CTNNA2: variants seen among roughly 807,000 people sequenced by gnomAD.
CTNNA2 encodes catenin alpha 2.
In CTNNA2, 42 loss-of-function variants were observed where a neutral mutation model predicts 101.0. The ratio of observed to expected loss-of-function variants is 0.42; its 90% CI spans 0.32 to 0.54. The LOEUF (loss-of-function observed/expected upper bound fraction) is 0.54, where lower values mean the gene tolerates loss of function less well. Ranked by LOEUF, CTNNA2 falls within the 20% of genes least tolerant of loss-of-function variation. CTNNA2 has a pLI of 0.14. For synonymous variants in CTNNA2, 450 were observed against 456.4 expected, an observed-to-expected ratio of 0.99 and a Z score of 0.18; for missense variants, 871 against 1,223.1, an observed-to-expected ratio of 0.71 and a Z score of 4.29.
intron 8 of CTNNA2, among the ~76,000 whole-genome samples, chr2:80,417,297 T>C (rs989610365): frequency 2.0e-5 from 3 of 151,606 alleles, no homozygotes; most frequent in African/African-American, 7.2e-5. Context: ...TATCAGCAAT[T>C]TAAAAATATA....
At chr2:80,128,174 A>G (rs900219008) in intron 7 of CTNNA2, among the ~76,000 whole-genome samples, 1 of 152,130 alleles carries the variant, frequency 6.6e-6, no homozygotes, top group Non-Finnish European at 1.5e-5. Flanking sequence ...AGAAGTTGTG[A>G]TTGGGTTTGA....
intron 7 of CTNNA2, among the ~76,000 whole-genome samples, chr2:80,299,980 G>T (rs913113247): frequency 2.6e-5 from 4 of 152,132 alleles, no homozygotes; most frequent in Admixed American, 2.0e-4. Context: ...TCTAAAAAAG[G>T]TATGCCGTCT....
intron 7 of CTNNA2, among the ~76,000 whole-genome samples, chr2:79,981,566 C>G (rs1691270891): frequency 6.6e-6 from 1 of 152,090 alleles, no homozygotes; most frequent in Non-Finnish European, 1.5e-5. Context: ...ATTACAGACT[C>G]CTAACTCTAA....
chr2:79,734,639 A>G (rs1406390424), intron 2 of CTNNA2, among the ~76,000 whole-genome samples: 1 of 152,144 alleles, frequency 6.6e-6, no homozygotes, highest in Non-Finnish European at 1.5e-5. Flanking sequence ...TGCTTTTAAG[A>G]AAGCAAGATG....
intron 9 of CTNNA2, among the ~76,000 whole-genome samples, chr2:80,441,582 G>A (rs1682579992): frequency 6.6e-6 from 1 of 152,088 alleles, no homozygotes; most frequent in Non-Finnish European, 1.5e-5. Flanking sequence ...TTATACCACA[G>A]GCAACACCAT....
At chr2:80,622,606 G>C (rs142069360) in intron 18 of CTNNA2, among the ~76,000 whole-genome samples, 1 of 151,930 alleles carries the variant, frequency 6.6e-6, no homozygotes, top group East Asian at 1.9e-4. Context: ...TATACTCTTG[G>C]GAATAGGTTA....
chr2:79,932,207 C>T (rs935478033), intron 7 of CTNNA2, among the ~76,000 whole-genome samples: 4 of 152,176 alleles, frequency 2.6e-5, no homozygotes, highest in East Asian at 1.9e-4. Context: ...CCTTCCTCCC[C>T]ACACTCTACC....
intron 17 of CTNNA2, among the ~76,000 whole-genome samples, chr2:80,609,045 C>T (rs1174169446): frequency 2.0e-5 from 3 of 151,772 alleles, no homozygotes; most frequent in Non-Finnish European, 4.4e-5. Flanking sequence ...TCTTCTCCTC[C>T]CTCAACCCCT....
intron 3 of CTNNA2, among the ~76,000 whole-genome samples, chr2:79,762,675 T>C (rs995980079): frequency 6.6e-6 from 1 of 152,204 alleles, no homozygotes; most frequent in African/African-American, 2.4e-5. Context: ...TTATATTTCA[T>C]TTATGTTCTG....
intron 4 of CTNNA2, among the ~76,000 whole-genome samples, chr2:79,860,192 T>A (rs1681480393): frequency 6.6e-6 from 1 of 152,224 alleles, no homozygotes; most frequent in South Asian, 2.1e-4. Flanking sequence ...TTTAGATAAG[T>A]CTTTCCACAG....
intron 7 of CTNNA2, among the ~76,000 whole-genome samples, chr2:80,361,138 A>G (rs991367738): frequency 1.7e-4 from 26 of 152,022 alleles, no homozygotes; most frequent in Admixed American, 1.3e-4. Context: ...GTAGGCTACA[A>G]ATTGGTTTTC....
chr2:79,870,786 G>C (rs1266184439), intron 5 of CTNNA2, among the ~76,000 whole-genome samples: 1 of 152,064 alleles, frequency 6.6e-6, no homozygotes, highest in Non-Finnish European at 1.5e-5. Flanking sequence ...TCAGACCCCC[G>C]TGGGAACTCA....
chr2:79,772,341 G>A (rs1673649872), intron 3 of CTNNA2, among the ~76,000 whole-genome samples: 1 of 152,140 alleles, frequency 6.6e-6, no homozygotes, highest in Admixed American at 6.5e-5. Flanking sequence ...ACAGCTTGTT[G>A]TTTGCTCACA....
At chr2:80,007,195 T>A (rs973285354) in intron 7 of CTNNA2, among the ~76,000 whole-genome samples, 1 of 152,156 alleles carries the variant, frequency 6.6e-6, no homozygotes, top group Admixed American at 6.5e-5. Flanking sequence ...GATGGTTACA[T>A]CTAGCTTACA....
At chr2:79,409,677 G>C (rs1375209971) in intron 4 of CTNNA2, among the ~76,000 whole-genome samples, 1 of 150,300 alleles carries the variant, frequency 6.7e-6, no homozygotes, top group Non-Finnish European at 1.5e-5. Flanking sequence ...TTTGGTACCA[G>C]TACCATGCTG....
chr2:79,741,542 T>C (rs1276087600), intron 2 of CTNNA2, among the ~76,000 whole-genome samples: 1 of 152,210 alleles, frequency 6.6e-6, no homozygotes, highest in African/African-American at 2.4e-5. Context: ...TGTTCTTCAC[T>C]AAAATGTTAT....
intron 1 of CTNNA2, among the ~76,000 whole-genome samples, chr2:79,609,206 A>T (rs1678106540): frequency 6.6e-6 from 1 of 151,930 alleles, no homozygotes; most frequent in Admixed American, 6.6e-5. Context: ...AAACAAATAA[A>T]CTCTGTTTAT....
chr2:79,412,391 A>T (rs563588177), intron 4 of CTNNA2, among the ~76,000 whole-genome samples: 17 of 150,520 alleles, frequency 1.1e-4, no homozygotes, highest in Non-Finnish European at 1.9e-4. Context: ...TGCACCAAGC[A>T]GACCTAATAG....
At chr2:80,242,740 G>T (rs1014004372) in intron 7 of CTNNA2, among the ~76,000 whole-genome samples, 1 of 152,114 alleles carries the variant, frequency 6.6e-6, no homozygotes, top group African/African-American at 2.4e-5. Context: ...TATCCAGATA[G>T]GGCAGCTGAA....
Sources: gnomAD v4.1 joint callset for allele counts (sites outside exome capture counted in the v4.1 genomes callset) on GRCh38, gnomAD v4.1.1 for gene constraint, MANE v1.5 for transcripts, NCBI Gene and HGNC (gene_info 2026-07-23, HGNC 2026-07-21) for gene names.